WDR19: variants seen among roughly 807,000 people sequenced by gnomAD.
WDR19 encodes WD repeat domain 19, also known as WD repeat-containing protein 19.
Under a neutral mutation model 180.0 loss-of-function variants are expected in WDR19, and 121 were observed. That is an observed-to-expected ratio of 0.67 (90% CI 0.58 to 0.78). The LOEUF (loss-of-function observed/expected upper bound fraction) is 0.78. WDR19 is among the 30% of genes least tolerant of loss of function. The probability of loss-of-function intolerance (pLI) is 0.00; values close to 1 mark genes in which losing one functional copy is unlikely to be tolerated. For missense variants in WDR19, 1,450 were observed against 1,640.7 expected (o/e 0.88, Z 2.01); for synonymous variants, 497 against 540.7 (o/e 0.92, Z 1.12).
chr4:39,219,091 T>C (rs1341936608), intron 14 of WDR19: 1 of 152,180 alleles, frequency 6.6e-6, no homozygotes, highest in Non-Finnish European at 1.5e-5. Flanking sequence ...TGAGCCTGTT[T>C]TACAGTTAAC....
chr4:39,254,841 G>A (rs563753607), intron 26 of WDR19, among the ~76,000 whole-genome samples: 3 of 151,978 alleles, frequency 2.0e-5, no homozygotes, highest in African/African-American at 7.2e-5. Context: ...CTGTGAATTT[G>A]ACTATTCATG....
At chr4:39,282,217 G>A (rs993644172) in intron 36 of WDR19, among the ~76,000 whole-genome samples, 14 of 152,226 alleles carry the variant, frequency 9.2e-5, no homozygotes, top group South Asian at 2.1e-4. Context: ...CATAGGATAA[G>A]TATCACTGGT....
chr4:39,277,008 T>A lies in WDR19; in HGVS notation c.3717-12T>A. 2 of 1,610,820 alleles carry A rather than the reference T, an allele frequency of 1.2e-6. No homozygotes were observed. Among genetic ancestry groups the A allele is most frequent in the Non-Finnish European group, 1.7e-6 (2 of 1,179,166 alleles). ...AAACGGCATTTTTAAATGACATGAT[T>A]CTTCCTCACAGGAGACCCGATATAT... On this transcript the variant is annotated splice_polypyrimidine_tract_variant and intron_variant, in intron 33 of 36. Transcript: ENST00000399820.
intron 20 of WDR19, 100 bp from the exon 21 acceptor site, chr4:39,240,177 T>TA (rs55876795): frequency 0.021 from 3,100 of 145,818 alleles, 7 homozygotes; most frequent in East Asian, 0.051. Context: ...ACCCTGTCTC[T>TA]AAAAAAAAAA....
rs137960733 is a variant in WDR19, at chr4:39,266,152, G to C, written c.3261+12G>C. 1 of 1,540,016 alleles carries C rather than the reference G, an allele frequency of 6.5e-7. No homozygotes were observed. The highest frequency in any genetic ancestry group is 1.4e-5 in the African/African-American group (1 of 73,042). On this transcript the variant is annotated intron_variant, in intron 29 of 36. Coordinates refer to ENST00000399820, the MANE Select transcript of WDR19 (RefSeq NM_025132.4). ...ATGGCATGCCTAAGGTACTGAACACGTGGGCTTCGTGTGCATCCTCAGGTC... is the reference window on the plus strand; with the variant it reads ...ATGGCATGCCTAAGGTACTGAACACCTGGGCTTCGTGTGCATCCTCAGGTC...
intron 30 of WDR19, among the ~76,000 whole-genome samples, chr4:39,269,734 GCAGAGGTTGCAGTGAA>G (rs1001666265): frequency 3.9e-5 from 6 of 152,282 alleles, no homozygotes; most frequent in African/African-American, 1.2e-4. Flanking sequence ...AGCTTGAGAG[GCAGAGGTTGCAGTGAA>G]CAGAGATTGT....
At chr4:39,243,597 C>T (rs1191127106) in intron 21 of WDR19, among the ~76,000 whole-genome samples, 1 of 152,154 alleles carries the variant, frequency 6.6e-6, no homozygotes, top group East Asian at 1.9e-4. Context: ...CATGTGTCTA[C>T]TTAAATTATT....
intron 28 of WDR19, among the ~76,000 whole-genome samples, chr4:39,265,258 C>T (rs1270356001): frequency 6.6e-6 from 1 of 151,894 alleles, no homozygotes; most frequent in Non-Finnish European, 1.5e-5. Context: ...AGCCAGCCTT[C>T]CCTCCAGAAC....
intron 29 of WDR19, among the ~76,000 whole-genome samples, chr4:39,267,314 G>A (rs1330231146): frequency 3.3e-5 from 5 of 152,150 alleles, no homozygotes; most frequent in South Asian, 2.1e-4. Context: ...CAGCTGGAGA[G>A]GACCGTAGTG....
intron 30 of WDR19, among the ~76,000 whole-genome samples, chr4:39,268,652 C>T (rs1446631352): frequency 1.3e-5 from 2 of 152,132 alleles, no homozygotes; most frequent in African/African-American, 2.4e-5. Flanking sequence ...AATGTGGACA[C>T]AATTTTGGAA....
intron 30 of WDR19, among the ~76,000 whole-genome samples, chr4:39,268,925 G>A (rs929485743): frequency 6.6e-6 from 1 of 152,196 alleles, no homozygotes; most frequent in Non-Finnish European, 1.5e-5. Flanking sequence ...CATCCTGAAG[G>A]TTGGGGTAGG....
At position 39,240,277 on chromosome 4, in the gene WDR19, G is replaced by T; in HGVS notation, c.2364G>T (p.Ala788=). Residue 788 remains alanine, a splice_region_variant and synonymous_variant, in exon 21 of 37, where the codon GCG becomes GCT. Coordinates refer to ENST00000399820, the MANE Select transcript of WDR19 (RefSeq NM_025132.4). The part of the protein sequence containing the change: ...SKEYAIQLEF[A]GDYVNALAHY... Reference sequence around the variant, plus strand: ...AAATTCACTCTTATTTTTTTTTCAGGGGTGATTATGTAAATGCTTTGGCTC... The same window carrying T: ...AAATTCACTCTTATTTTTTTTTCAGTGGTGATTATGTAAATGCTTTGGCTC... 2 of 1,376,830 alleles carry T rather than the reference G, an allele frequency of 1.5e-6. No individual in the cohort carries two copies. Among genetic ancestry groups the T allele is most frequent in the South Asian group, 3.9e-5 (2 of 50,742 alleles). 85.3% of individuals were successfully genotyped at this position (1,376,830 alleles called of 1,614,324 possible).
At chr4:39,195,841 A>G (rs890161477) in intron 5 of WDR19, among the ~76,000 whole-genome samples, 1 of 152,220 alleles carries the variant, frequency 6.6e-6, no homozygotes, top group Non-Finnish European at 1.5e-5. Context: ...TAATGTTAAC[A>G]TTAATTTTGG....
intron 36 of WDR19, among the ~76,000 whole-genome samples, chr4:39,281,435 GAC>G (rs1736531377): frequency 9.2e-6 from 1 of 108,990 alleles, no homozygotes; most frequent in African/African-American, 5.0e-5. Flanking sequence ...CTTTGCCGTT[GAC>G]GTGTTTTTCC....
rs1263779452 is a variant in WDR19 at position 39,203,734 on chromosome 4, A to ACC, written c.603+12_603+13insCC. On this transcript the variant is annotated intron_variant, in intron 7 of 36. Coordinates refer to ENST00000399820, the MANE Select transcript of WDR19 (RefSeq NM_025132.4). Reference sequence around the variant, plus strand: ...CTGCTGAAAGCATGGTAAGAATTCTAATCAAATCCACGTGCAAATCATTTG... The same window carrying ACC: ...CTGCTGAAAGCATGGTAAGAATTCTACCATCAAATCCACGTGCAAATCATTTG... 6.2e-7 allele frequency: 1 copy of ACC among 1,605,614 alleles called. No individual in the cohort carries two copies. The highest frequency in any genetic ancestry group is 8.5e-7 in the Non-Finnish European group (1 of 1,175,116).
At chr4:39,267,897 T>A (rs1734968476) in intron 29 of WDR19, 98 bp from the exon 30 acceptor site, 3 of 1,075,602 alleles carry the variant, frequency 2.8e-6, no homozygotes, top group Non-Finnish European at 4.1e-6. Flanking sequence ...CAATTCTCAG[T>A]TACTGGCAGA....
rs371200402 is a variant in WDR19 at position 39,278,647 on chromosome 4, G to A, written c.4026G>A (p.Leu1342=). Residue 1342 remains leucine, a synonymous_variant, in exon 36 of 37, where the codon CTG becomes CTA. Transcript: ENST00000399820. ...AGTACCTGCGAACGGAGGAGGAACT[G>A]TGATTGGCACGTGCAGGTGAGTGGC... ...CTQYLRTEEE[L] 1.6e-5 allele frequency: 25 copies of A among 1,609,898 alleles called. No individual in the cohort carries two copies. Among genetic ancestry groups the A allele is most frequent in the Non-Finnish European group, 2.0e-5 (24 of 1,177,412 alleles).
chr4:39,258,339 G>A (rs1167732672), intron 28 of WDR19, among the ~76,000 whole-genome samples: 3 of 152,032 alleles, frequency 2.0e-5, no homozygotes, highest in Non-Finnish European at 2.9e-5. Flanking sequence ...TTTTAGTAGA[G>A]ACGGGGTTTC....
intron 15 of WDR19, among the ~76,000 whole-genome samples, chr4:39,225,546 A>G (rs1292410372): frequency 1.3e-5 from 2 of 152,226 alleles, no homozygotes; most frequent in Non-Finnish European, 1.5e-5. Context: ...ATAGATTTAG[A>G]AAAAAGGAGA....
Sources: allele counts gnomAD v4.1 joint callset (sites outside exome capture counted in the v4.1 genomes callset), GRCh38; gene constraint gnomAD v4.1.1; transcripts MANE v1.5; gene names NCBI Gene and HGNC (gene_info 2026-07-23, HGNC 2026-07-21).